The following TNFRSF21 variants were observed in gnomAD, a reference collection of about 807,000 sequenced individuals.
The protein encoded by TNFRSF21 is TNF receptor superfamily member 21, also known as tumor necrosis factor receptor superfamily member 21.
TNFRSF21 carries 19 observed loss-of-function variants against 45.6 expected under a neutral mutation model. That is an observed-to-expected ratio of 0.42 (90% CI 0.29 to 0.61). The LOEUF (loss-of-function observed/expected upper bound fraction) is 0.61. TNFRSF21 is among the 20% of genes least tolerant of loss of function. The pLI is 0.23. For synonymous variants in TNFRSF21, 314 were observed against 335.5 expected, an observed-to-expected ratio of 0.94 and a Z score of 0.70; for missense variants, 737 against 851.5, an observed-to-expected ratio of 0.87 and a Z score of 1.67.
chr6:47,275,607 T>C (rs988417273), intron 3 of TNFRSF21, among the ~76,000 whole-genome samples: 5 of 151,990 alleles, frequency 3.3e-5, no homozygotes, highest in African/African-American at 1.2e-4. Context: ...TACCTATGTA[T>C]CAAATCTGCA....
chr6:47,301,997 C>T (rs1762870407), intron 1 of TNFRSF21, among the ~76,000 whole-genome samples: 1 of 152,128 alleles, frequency 6.6e-6, no homozygotes, highest in African/African-American at 2.4e-5. Flanking sequence ...CTGACCTGGC[C>T]GTGTATAGGA....
intron 4 of TNFRSF21, among the ~76,000 whole-genome samples, chr6:47,235,346 A>G (rs1561936484): frequency 6.6e-6 from 1 of 152,110 alleles, no homozygotes; most frequent in Non-Finnish European, 1.5e-5. Context: ...ATTACAGTAA[A>G]ATGAGGTCTT....
rs1003498501 is a variant in TNFRSF21 at position 47,305,366 on chromosome 6, CA to C, written c.96+4049del. Among the ~76,000 whole-genome samples, 44 of 151,946 alleles carry C rather than the reference CA, an allele frequency of 2.9e-4. 1 individual carries two copies. The highest frequency in any genetic ancestry group is 1.1e-3 in the African/African-American group (44 of 41,372). ...GTAGAGTATTTTTTTTTCTCTCAAC[CA>C]AAAAATACAGGGTGTTAAATCAGTA... On this transcript the variant is annotated intron_variant, in intron 1 of 5. Transcript: ENST00000296861.
chr6:47,243,588 T>C (rs1764780648), intron 4 of TNFRSF21, among the ~76,000 whole-genome samples: 1 of 152,184 alleles, frequency 6.6e-6, no homozygotes, highest in African/African-American at 2.4e-5. Context: ...CAGATGATTT[T>C]TGTAGTTTTA....
At chr6:47,271,927 A>G (rs1762425858) in intron 3 of TNFRSF21, among the ~76,000 whole-genome samples, 1 of 152,226 alleles carries the variant, frequency 6.6e-6, no homozygotes, top group Admixed American at 6.5e-5. Context: ...GAAGGCCATT[A>G]CATAATGGTA....
chr6:47,281,466 C>T (rs757379052), intron 3 of TNFRSF21, among the ~76,000 whole-genome samples: 5 of 152,072 alleles, frequency 3.3e-5, no homozygotes, highest in African/African-American at 4.8e-5. Flanking sequence ...CTGCAACCTC[C>T]GCCTCCCAGG....
intron 3 of TNFRSF21, among the ~76,000 whole-genome samples, chr6:47,259,516 ATG>A (rs763019715): frequency 2.0e-4 from 30 of 152,294 alleles, no homozygotes; most frequent in Non-Finnish European, 3.4e-4. Context: ...CTAGAACTAC[ATG>A]TGTGCACCAC....
intron 4 of TNFRSF21, among the ~76,000 whole-genome samples, chr6:47,236,950 T>G (rs1473884566): frequency 1.3e-5 from 2 of 152,152 alleles, no homozygotes; most frequent in African/African-American, 4.8e-5. Context: ...GTTTCCTAAA[T>G]TCATTTGAAA....
chr6:47,243,256 A>G (rs868353028), intron 4 of TNFRSF21, among the ~76,000 whole-genome samples: 55 of 152,188 alleles, frequency 3.6e-4, no homozygotes, highest in African/African-American at 1.3e-3. Context: ...ACCAAGTCAC[A>G]ATATACTCTT....
chr6:47,272,925 A>T (rs1377501190), intron 3 of TNFRSF21, among the ~76,000 whole-genome samples: 1 of 152,244 alleles, frequency 6.6e-6, no homozygotes, highest in Non-Finnish European at 1.5e-5. Context: ...AGAAATGGAT[A>T]GATTCCTGGA....
In TNFRSF21 at chr6:47,232,654, C is replaced by A. The variant is rs1012976895; in HGVS notation, c.*111G>T. 1 of 858,482 alleles carries A rather than the reference C, an allele frequency of 1.2e-6. No homozygotes were observed. Among genetic ancestry groups the A allele is most frequent in the Non-Finnish European group, 1.8e-6 (1 of 544,842 alleles). The allele number at this position is 858,482 out of a possible 1,614,324, so 53.2% of individuals were successfully genotyped here. The stretch of plus-strand genomic sequence containing the variant: ...ACACACACACACACACACACACACA[C>A]ACACAAACACACACACACACCCCAA... On this transcript the variant is annotated 3_prime_UTR_variant, in exon 6 of 6. Coordinates refer to ENST00000296861, the MANE Select transcript of TNFRSF21 (RefSeq NM_014452.5).
chr6:47,296,678 G>A (rs1762794403), intron 1 of TNFRSF21, among the ~76,000 whole-genome samples: 2 of 152,210 alleles, frequency 1.3e-5, no homozygotes. Context: ...AGCCCAAAAG[G>A]ACTGGGGTTT....
Position 47,309,579 on chromosome 6 carries a change from CCCAGCGCCGCATCCA to C in TNFRSF21, c.-83_-69del. 7.3e-7 allele frequency: 1 copy of C among 1,377,554 alleles called. No homozygotes were observed. The highest frequency in any genetic ancestry group is 9.3e-7 in the Non-Finnish European group (1 of 1,075,244). 85.3% of individuals were successfully genotyped at this position (1,377,554 alleles called of 1,614,324 possible). A position where few individuals can be genotyped will look rare whatever the true frequency, so the allele number is the denominator to read the frequency against. On this transcript the variant is annotated 5_prime_UTR_variant, in exon 1 of 6. An upstream start codon of the reference 5' UTR is lost. Transcript: ENST00000296861. The stretch of plus-strand genomic sequence containing the variant: ...CAGCTGGAATCGGCGGCTGCTTCTG[CCCAGCGCCGCATCCA>C]CCGCCGCCTCCCGGGCCGGGAGCCC...
intron 3 of TNFRSF21, among the ~76,000 whole-genome samples, chr6:47,270,673 T>C (rs761181293): frequency 3.0e-4 from 46 of 152,084 alleles, no homozygotes; most frequent in African/African-American, 9.4e-4. Context: ...CTTTGAGGAG[T>C]TGACAGAAGT....
intron 1 of TNFRSF21, among the ~76,000 whole-genome samples, chr6:47,289,104 C>A (rs1459910730): frequency 2.0e-5 from 3 of 152,114 alleles, no homozygotes; most frequent in African/African-American, 7.2e-5. Context: ...TGAAAAGTTC[C>A]AACAGTTTTC....
chr6:47,253,330 T>G lies in TNFRSF21; in HGVS notation c.1435A>C (p.Ile479Leu). 2 of 1,614,040 alleles carry G rather than the reference T, an allele frequency of 1.2e-6. No homozygotes were observed. The highest frequency in any genetic ancestry group is 1.7e-6 in the Non-Finnish European group (2 of 1,179,984). ...RGPEASLAQL[I>L]SALRQHRRND... ...CTCCGGTGCTGGCGCAGGGCGCTAA[T>G]TAGCTGGGCGAGGCTGGCCTCGGGG... The change falls in exon 4 of 6, where the codon ATT becomes CTT. Residue 479 changes from isoleucine to leucine, a missense_variant. Coordinates refer to ENST00000296861, the MANE Select transcript of TNFRSF21 (RefSeq NM_014452.5).
chr6:47,234,933 GA>G (rs111550863), intron 4 of TNFRSF21, 35 bp from the exon 5 acceptor site: 11,239 of 1,117,944 alleles, frequency 0.01, 91 homozygotes, highest in South Asian at 0.033. Flanking sequence ...ATTATATATA[GA>G]AAAAAAAACA....
Position 47,232,967 on chromosome 6 carries a change from A to T in TNFRSF21, c.1766T>A (p.Val589Glu). The T allele has an allele frequency of 6.3e-7, 1 of 1,599,802 alleles. No individual in the cohort carries two copies. Residue 589 changes from valine to glutamate, a missense_variant, in exon 6 of 6, where the codon GTA becomes GAA. Transcript: ENST00000296861. ...KEKKDTVLRQVRLDPCDLQPI... is the reference protein window; with the variant it reads ...KEKKDTVLRQERLDPCDLQPI... ...CTGCAAGTCACAGGGGTCCAGGCGT[A>T]CCTGCCGCAACACTGTGTCCTTCTT...
At chr6:47,292,309 T>C (rs537560821) in intron 1 of TNFRSF21, among the ~76,000 whole-genome samples, 1 of 151,856 alleles carries the variant, frequency 6.6e-6, no homozygotes. Flanking sequence ...CAGAGTTGGA[T>C]AAACTAGATC....
Sources: allele counts gnomAD v4.1 joint callset (sites outside exome capture counted in the v4.1 genomes callset), GRCh38; gene constraint gnomAD v4.1.1; transcripts MANE v1.5; gene names NCBI Gene and HGNC (gene_info 2026-07-23, HGNC 2026-07-21).